CBR4: variants seen among roughly 807,000 people sequenced by gnomAD.
The protein encoded by CBR4 is 3-oxoacyl-[acyl-carrier-protein] reductase.
Under a neutral mutation model 21.0 loss-of-function variants are expected in CBR4, and 22 were observed. That is an observed-to-expected ratio of 1.05 (90% CI 0.75 to 1.50). CBR4 has a LOEUF of 1.50. Among genes scored for constraint, CBR4 ranks in the 40% most tolerant of loss-of-function variants. The probability of loss-of-function intolerance (pLI) is 0.00; values close to 1 mark genes in which losing one functional copy is unlikely to be tolerated. For missense variants in CBR4, 302 were observed against 286.3 expected, an observed-to-expected ratio of 1.05 and a Z score of -0.40; for synonymous variants, 100 against 104.4, an observed-to-expected ratio of 0.96 and a Z score of 0.26.
chr4:168,898,223 C>T (rs1475999278), intron 2 of CBR4: 1 of 483,990 alleles, frequency 2.1e-6, no homozygotes, highest in Non-Finnish European at 3.8e-6. Context: ...CCTTGTTTCC[C>T]CTCGCCTCAG....
chr4:168,905,663 G>GTTT (rs1363744698), intron 2 of CBR4, among the ~76,000 whole-genome samples: 3 of 150,632 alleles, frequency 2.0e-5, no homozygotes, highest in African/African-American at 7.3e-5. Context: ...AGTTCTAAAT[G>GTTT]TTTTAATCAA....
At chr4:168,908,496 G>GA (rs57780205) in intron 2 of CBR4, among the ~76,000 whole-genome samples, 32 of 150,868 alleles carry the variant, frequency 2.1e-4, no homozygotes, top group African/African-American at 4.6e-4. Context: ...AAAAGGTGGT[G>GA]AAAAAAAAAT....
At position 168,913,999 on chromosome 4, in the gene CBR4, T is replaced by A. The variant is rs182571219; in HGVS notation, n.170-19234A>T. 4.7e-5 allele frequency: 76 copies of A among 1,608,266 alleles called. No individual in the cohort carries two copies. In the Middle Eastern group the frequency reaches 2.3e-3, roughly 49 times the overall value. ...AAGAGGTCGAAGTCCCCGGTCTCCC[T>A]CAGGCCATCCTCATGTCAGAAGGTA... On this transcript the variant is annotated intron_variant and non_coding_transcript_variant, in intron 2 of 3. Transcript: ENST00000509108.
chr4:168,936,331 C>T (rs1763110652), intron 2 of CBR4, among the ~76,000 whole-genome samples: 1 of 152,120 alleles, frequency 6.6e-6, no homozygotes, highest in Non-Finnish European at 1.5e-5. Flanking sequence ...GGGGAGAAAC[C>T]AATGCAAAAG....
At chr4:168,943,234 A>C (rs776606751) in intron 2 of CBR4, among the ~76,000 whole-genome samples, 13 of 152,202 alleles carry the variant, frequency 8.5e-5, no homozygotes, top group Non-Finnish European at 1.6e-4. Context: ...CGCTGACAAA[A>C]GGGTACAGCA....
chr4:168,968,164 C>T (rs192053188), intron 2 of CBR4, among the ~76,000 whole-genome samples: 6 of 152,220 alleles, frequency 3.9e-5, no homozygotes, highest in Admixed American at 2.0e-4. Flanking sequence ...AGCATAAAAC[C>T]AAACTGCCCT....
intron 2 of CBR4, among the ~76,000 whole-genome samples, chr4:168,918,339 T>TATATATAC (rs754737860): frequency 1.4e-5 from 2 of 147,124 alleles, no homozygotes; most frequent in Admixed American, 6.8e-5. Context: ...TATATATATA[T>TATATATAC]ACATACATAC....
intron 4 of CBR4, 71 bp downstream of exon 4, chr4:169,002,000 A>G: frequency 8.0e-7 from 1 of 1,252,706 alleles, no homozygotes. Flanking sequence ...TCAATTACTA[A>G]TGTTCCAAAT....
chr4:168,990,974 A>T (rs1764891420), intron 4 of CBR4, among the ~76,000 whole-genome samples: 1 of 151,982 alleles, frequency 6.6e-6, no homozygotes, highest in Non-Finnish European at 1.5e-5. Context: ...GAATCGCTTG[A>T]ACCTGGGAGG....
At chr4:168,963,739 G>A (rs540502340) in intron 2 of CBR4, among the ~76,000 whole-genome samples, 1 of 152,014 alleles carries the variant, frequency 6.6e-6, no homozygotes, top group East Asian at 1.9e-4. Flanking sequence ...CAAAGTGGTG[G>A]GAGGCATGAG....
intron 2 of CBR4, among the ~76,000 whole-genome samples, chr4:168,965,455 C>G (rs992770106): frequency 6.6e-6 from 1 of 152,142 alleles, no homozygotes; most frequent in Non-Finnish European, 1.5e-5. Context: ...CAATCCTAAG[C>G]AAAAAGAACA....
chr4:168,934,484 A>G (rs1763056614), intron 2 of CBR4, among the ~76,000 whole-genome samples: 1 of 152,020 alleles, frequency 6.6e-6, no homozygotes, highest in Admixed American at 6.6e-5. Context: ...AACAAAATCA[A>G]AAACAAAAAA....
Position 168,989,777 on chromosome 4 carries a change from G to A in CBR4, c.*373C>T. The stretch of plus-strand genomic sequence containing the variant: ...ATACACTAAGATTGCTACAGTCTAT[G>A]AGGTAACCAAAGGTAAGTGATACAC... On this transcript the variant is annotated 3_prime_UTR_variant, in exon 5 of 5. Transcript: ENST00000306193. 1 of 992,702 alleles carries A rather than the reference G, an allele frequency of 1.0e-6. No individual in the cohort carries two copies. The highest frequency in any genetic ancestry group is 1.2e-6 in the Non-Finnish European group (1 of 835,008). The allele number at this position is 992,702 out of a possible 1,614,324, so 61.5% of individuals were successfully genotyped here. A position where few individuals can be genotyped will look rare whatever the true frequency, so the allele number is the denominator to read the frequency against.
At chr4:168,951,594 T>C (rs1354624015) in intron 2 of CBR4, among the ~76,000 whole-genome samples, 10 of 152,258 alleles carry the variant, frequency 6.6e-5, no homozygotes. Flanking sequence ...TTAGCAGTTC[T>C]TGTAGTGGTG....
At chr4:168,959,639 C>T (rs1191816718) in intron 2 of CBR4, among the ~76,000 whole-genome samples, 1 of 146,068 alleles carries the variant, frequency 6.8e-6, no homozygotes, top group African/African-American at 2.6e-5. Flanking sequence ...GACCTCGGCT[C>T]ACTGCAATCT....
chr4:168,953,203 G>C lies in CBR4; in HGVS notation n.169+48868C>G, dbSNP rs113323458. 5.8e-3 allele frequency among the ~76,000 whole-genome samples: 890 copies of C among 152,240 alleles called. 8 individuals are homozygous for C. Among genetic ancestry groups the C allele is most frequent in the Admixed American group, 5.8e-3 (89 of 15,294 alleles). ...AGGTTGTCAGCGAAGTGAGGGAAAG[G>C]CAGCAGTCACAGGCCTCACTCAGCT... On this transcript the variant is annotated intron_variant and non_coding_transcript_variant, in intron 2 of 3. Coordinates refer to the CBR4 transcript ENST00000509108.
intron 2 of CBR4, among the ~76,000 whole-genome samples, chr4:168,974,451 G>T (rs1319689832): frequency 6.6e-6 from 1 of 152,192 alleles, no homozygotes; most frequent in Non-Finnish European, 1.5e-5. Flanking sequence ...TAGATGTCTA[G>T]ATCTCTGGCA....
At chr4:168,997,843 G>A (rs1035302458) in intron 4 of CBR4, among the ~76,000 whole-genome samples, 8 of 151,208 alleles carry the variant, frequency 5.3e-5, no homozygotes, top group Non-Finnish European at 8.8e-5. Flanking sequence ...ACTCTTTGAT[G>A]TAAGTTTCTA....
Position 169,002,135 on chromosome 4 carries a change from T to A in CBR4, c.471A>T (p.Gly157=). ...CCTCTTTAGCAAGAGCACGTGAAAA[T>A]CCAACTAATCCTCCTTTACTGGCAC... ...VYSASKGGLV[G]FSRALAKEVA... The change falls in exon 4 of 5, where the codon GGA becomes GGT. Residue 157 remains glycine, a synonymous_variant. Transcript: ENST00000306193. 2.5e-6 allele frequency: 4 copies of A among 1,576,540 alleles called. No individual in the cohort carries two copies. Among genetic ancestry groups the A allele is most frequent in the Non-Finnish European group, 3.4e-6 (4 of 1,167,654 alleles).
Sources: allele counts gnomAD v4.1 joint callset (sites outside exome capture counted in the v4.1 genomes callset), GRCh38; gene constraint gnomAD v4.1.1; transcripts MANE v1.5; gene names NCBI Gene and HGNC (gene_info 2026-07-23, HGNC 2026-07-21).